Variants in FBN1 observed in about 807,000 individuals in gnomAD.
FBN1 encodes fibrillin-1.
In FBN1, 29 loss-of-function variants were observed where a neutral mutation model predicts 365.1. The ratio of observed to expected loss-of-function variants is 0.08; its 90% CI spans 0.06 to 0.11. The LOEUF (loss-of-function observed/expected upper bound fraction) is 0.11. Among genes scored for constraint, FBN1 ranks in the 10% least tolerant of loss-of-function variants. The pLI is 1.00. For synonymous variants in FBN1, 1,210 were observed against 1,270.5 expected, an observed-to-expected ratio of 0.95 and a Z score of 1.01; for missense variants, 2,476 against 3,703.2, an observed-to-expected ratio of 0.67 and a Z score of 8.60.
At chr15:48,568,227 A>C (rs2044276592) in intron 6 of FBN1, among the ~76,000 whole-genome samples, 1 of 151,892 alleles carries the variant, frequency 6.6e-6, no homozygotes, top group Non-Finnish European at 1.5e-5. Flanking sequence ...ACTAACAATG[A>C]ACAATCAGAA....
chr15:48,542,952 C>T (rs1194547694), intron 6 of FBN1, among the ~76,000 whole-genome samples: 1 of 152,118 alleles, frequency 6.6e-6, no homozygotes, highest in Non-Finnish European at 1.5e-5. Flanking sequence ...CATAAGCCAG[C>T]CCATAAACTG....
At position 48,448,836 on chromosome 15, in the gene FBN1, G is replaced by C. The variant is rs145082616; in HGVS notation, c.5603C>G (p.Thr1868Arg). Residue 1868 changes from threonine (T) to arginine (R), a missense_variant, in exon 46 of 66, where the codon ACA becomes AGA. Coordinates refer to ENST00000316623, the MANE Select transcript of FBN1 (RefSeq NM_000138.5). ...GCAAAGGCAATAAAAGCTTCCAACT[G>C]TGTCAATGCACTGCCCATGACTGCA... is the stretch of plus-strand genomic sequence containing the variant. ...NICSHGQCID[T>R]VGSFYCLCHT... 1.1e-5 allele frequency: 17 copies of C among 1,612,176 alleles called. No individual in the cohort carries two copies. Among genetic ancestry groups the C allele is most frequent in the Non-Finnish European group, 1.4e-5 (17 of 1,178,476 alleles).
chr15:48,613,228 A>T, intron 2 of FBN1, 136 bp from the exon 3 acceptor site: 1 of 705,124 alleles, frequency 1.4e-6, no homozygotes, highest in Non-Finnish European at 2.5e-6. Flanking sequence ...AACTCATGAG[A>T]CTCAATGCTG....
intron 9 of FBN1, among the ~76,000 whole-genome samples, chr15:48,521,058 C>G (rs796756933): frequency 7.0e-4 from 106 of 152,280 alleles, no homozygotes; most frequent in African/African-American, 2.5e-3. Context: ...ACATTCCATA[C>G]CCAAGGTGGG....
At chr15:48,454,926 G>A (rs923692140) in intron 44 of FBN1, among the ~76,000 whole-genome samples, 2 of 152,192 alleles carry the variant, frequency 1.3e-5, no homozygotes, top group African/African-American at 4.8e-5. Flanking sequence ...AGGATGTATA[G>A]AAACACAGGG....
intron 34 of FBN1, among the ~76,000 whole-genome samples, chr15:48,473,889 G>A (rs1323435480): frequency 6.6e-6 from 1 of 152,090 alleles, no homozygotes; most frequent in Non-Finnish European, 1.5e-5. Flanking sequence ...ATTATATACA[G>A]TCATATAATG....
At chr15:48,605,881 T>A (rs1566936725) in intron 4 of FBN1, among the ~76,000 whole-genome samples, 1 of 152,024 alleles carries the variant, frequency 6.6e-6, no homozygotes, top group Non-Finnish European at 1.5e-5. Context: ...TCTAAAAAAA[T>A]TATTTTAATG....
At position 48,410,094 on chromosome 15, in the gene FBN1, T is replaced by C. The variant is rs2042848490; in HGVS notation, c.*896A>G. 6.6e-6 allele frequency: 1 copy of C among 152,536 alleles called. No individual in the cohort carries two copies. Among genetic ancestry groups the C allele is most frequent in the Non-Finnish European group, 1.5e-5 (1 of 68,026 alleles). 9.4% of individuals were successfully genotyped at this position (152,536 alleles called of 1,614,324 possible). On this transcript the variant is annotated 3_prime_UTR_variant, in exon 66 of 66. Transcript: ENST00000316623. ...GGGGTAAACTAAAAAAAAGAAGAGA[T>C]TGTTTTATTGTGACATTTATGACAT... is the stretch of plus-strand genomic sequence containing the variant.
intron 25 of FBN1, 47 bp downstream of exon 25, chr15:48,489,804 T>A: frequency 6.8e-7 from 1 of 1,462,382 alleles, no homozygotes; most frequent in Non-Finnish European, 9.6e-7. Flanking sequence ...TGCATCCTAT[T>A]TGTCTAAAAA....
intron 10 of FBN1, among the ~76,000 whole-genome samples, chr15:48,520,339 G>C (rs112378841): frequency 1.3e-5 from 2 of 152,238 alleles, no homozygotes; most frequent in African/African-American, 4.8e-5. Flanking sequence ...TGAAAGCTGA[G>C]TTTTACTCTA....
In FBN1 at chr15:48,425,959, GT is replaced by G. The variant is rs2042977024; in HGVS notation, c.7205-96del. 5.0e-6 allele frequency: 5 copies of G among 1,009,140 alleles called. No homozygotes were observed. The East Asian group carries it at 1.3e-4, about 27-fold the overall frequency. The allele number at this position is 1,009,140 out of a possible 1,614,324, so 62.5% of individuals were successfully genotyped here. ...TTCAGTGTAAATACTAATAAATTGT[GT>G]TACTATATTTTGGGCCTAAGAAATT... On this transcript the variant is annotated intron_variant, in intron 58 of 65. Coordinates refer to ENST00000316623, the MANE Select transcript of FBN1 (RefSeq NM_000138.5).
At chr15:48,577,999 A>G (rs1308909699) in intron 6 of FBN1, among the ~76,000 whole-genome samples, 2 of 152,210 alleles carry the variant, frequency 1.3e-5, no homozygotes, top group Middle Eastern at 3.2e-3. Context: ...TACTAAAGTA[A>G]TATTTATCTT....
chr15:48,586,897 A>G (rs1479729205), intron 6 of FBN1, among the ~76,000 whole-genome samples: 2 of 152,236 alleles, frequency 1.3e-5, no homozygotes, highest in Non-Finnish European at 2.9e-5. Context: ...TGAAGACATT[A>G]AAGGTGTTAA....
chr15:48,571,250 T>C (rs1379271565), intron 6 of FBN1, among the ~76,000 whole-genome samples: 1 of 152,210 alleles, frequency 6.6e-6, no homozygotes, highest in South Asian at 2.1e-4. Context: ...CCACCACTGA[T>C]AGCATTTATC....
intron 64 of FBN1, among the ~76,000 whole-genome samples, chr15:48,414,409 C>A (rs997238447): frequency 7.9e-5 from 12 of 152,028 alleles, no homozygotes; most frequent in Admixed American, 6.6e-4. Context: ...TGTGTGTACA[C>A]GCATGTGGAG....
chr15:48,429,815 T>C (rs1183427391), intron 56 of FBN1, among the ~76,000 whole-genome samples: 1 of 152,270 alleles, frequency 6.6e-6, no homozygotes, highest in Non-Finnish European at 1.5e-5. Context: ...GGATTCTTAA[T>C]CTTCTTGAAT....
intron 2 of FBN1, 93 bp downstream of exon 2, chr15:48,644,513 A>G: frequency 1.3e-6 from 2 of 1,583,572 alleles, no homozygotes; most frequent in East Asian, 2.2e-5. Flanking sequence ...AGGTCTTGCC[A>G]AGGAGTCTTC....
At chr15:48,474,750 C>T (rs2043406440) in intron 32 of FBN1, 100 bp from the exon 33 acceptor site, 1 of 1,485,482 alleles carries the variant, frequency 6.7e-7, no homozygotes, top group Admixed American at 1.7e-5. Flanking sequence ...TCAAACTTCC[C>T]ATGGTATAGT....
intron 32 of FBN1, chr15:48,476,610 CTTTTTT>C: frequency 1.7e-5 from 2 of 119,294 alleles, no homozygotes; most frequent in Non-Finnish European, 3.5e-5. Context: ...CTTTTCTTTT[CTTTTTT>C]TTTTTTTTTT....
Sources: allele counts gnomAD v4.1 joint callset (sites outside exome capture counted in the v4.1 genomes callset), GRCh38; gene constraint gnomAD v4.1.1; transcripts MANE v1.5; gene names NCBI Gene and HGNC (gene_info 2026-07-23, HGNC 2026-07-21).